SLC15A1: variants seen among roughly 807,000 people sequenced by gnomAD.
SLC15A1 encodes the protein Caco-2 oligopeptide transporter.
SLC15A1 carries 83 observed loss-of-function variants against 92.9 expected under a neutral mutation model. The observed-to-expected ratio is 0.89, with a 90% CI of 0.75 to 1.07. SLC15A1 has a LOEUF of 1.07. Ranked by LOEUF, SLC15A1 falls within the 50% of genes least tolerant of loss-of-function variation. SLC15A1 has a pLI of 0.00. For synonymous variants in SLC15A1, 322 were observed against 318.2 expected (o/e 1.01, Z -0.13); for missense variants, 857 against 880.1 (o/e 0.97, Z 0.33).
chr13:98,716,388 G>A (rs1478837866), intron 8 of SLC15A1, among the ~76,000 whole-genome samples: 2 of 152,168 alleles, frequency 1.3e-5, no homozygotes, highest in African/African-American at 2.4e-5. Flanking sequence ...TTGAGAGGCC[G>A]AGGTGGGCGG....
rs777857590 is a variant in SLC15A1 at position 98,715,935 on chromosome 13, C to T, written c.666G>A (p.Met222Ile). Residue 222 changes from methionine (M) to isoleucine (I), a missense_variant, in exon 9 of 23, where the codon ATG becomes ATA. Physicochemically the swap from Met to Ile is conservative, Grantham distance 10. Transcript: ENST00000376503. Reference protein sequence around the residue: ...ALIVFVLGSGMYKKFKPQGNI... With the variant: ...ALIVFVLGSGIYKKFKPQGNI... Reference sequence around the variant, plus strand: ...TGCCCTGTGGCTTGAACTTCTTGTACATCCCACTGCCAAGGACAAACACAA... The same window carrying T: ...TGCCCTGTGGCTTGAACTTCTTGTATATCCCACTGCCAAGGACAAACACAA... 1 of 1,614,154 alleles carries T rather than the reference C, an allele frequency of 6.2e-7. No individual in the cohort carries two copies. The highest frequency in any genetic ancestry group is 2.2e-5 in the East Asian group (1 of 44,882).
intron 20 of SLC15A1, among the ~76,000 whole-genome samples, 162 bp from the exon 21 acceptor site, chr13:98,687,886 G>A (rs1158212399): frequency 6.6e-6 from 1 of 152,186 alleles, no homozygotes; most frequent in African/African-American, 2.4e-5. Flanking sequence ...CACTTGCAAT[G>A]GGATTTGAAG....
intron 18 of SLC15A1, among the ~76,000 whole-genome samples, chr13:98,689,423 G>C (rs1344551791): frequency 6.6e-6 from 1 of 152,088 alleles, no homozygotes; most frequent in Non-Finnish European, 1.5e-5. Context: ...GAAGAAGTGG[G>C]CCAGCCCAGT....
chr13:98,715,001 A>G (rs2088202296), intron 9 of SLC15A1, among the ~76,000 whole-genome samples: 1 of 152,284 alleles, frequency 6.6e-6, no homozygotes, highest in South Asian at 2.1e-4. Context: ...CTATTACTAC[A>G]TATTCCTTAA....
rs139986291 is a variant in SLC15A1, at chr13:98,686,875, G to C, written c.1828-578C>G. Among the ~76,000 whole-genome samples the C allele has an allele frequency of 1.5e-4, 23 of 151,948 alleles. No homozygotes were observed. In the East Asian group the frequency reaches 3.9e-3, roughly 25 times the overall value. On this transcript the variant is annotated intron_variant, in intron 21 of 22. Transcript: ENST00000376503. Reference sequence around the variant, plus strand: ...AGTTCAATAATTAAGCTCTAATTTGGGTATCAATAAAACCTAGCTCATTAG... The same window carrying C: ...AGTTCAATAATTAAGCTCTAATTTGCGTATCAATAAAACCTAGCTCATTAG...
At chr13:98,733,148 C>A (rs546871339) in intron 1 of SLC15A1, among the ~76,000 whole-genome samples, 3 of 152,262 alleles carry the variant, frequency 2.0e-5, no homozygotes, top group Admixed American at 1.3e-4. Context: ...CCCCGAGAGC[C>A]TTTCAAGGTA....
At chr13:98,699,941 C>T (rs189083338) in intron 18 of SLC15A1, among the ~76,000 whole-genome samples, 14 of 152,160 alleles carry the variant, frequency 9.2e-5, no homozygotes, top group South Asian at 2.1e-4. Context: ...AAATCTTTTG[C>T]GTTTTTAATT....
rs754649214 is a variant in SLC15A1 at position 98,709,864 on chromosome 13, T to TA, written c.945+2dup. The TA allele has an allele frequency of 5.0e-6, 8 of 1,614,182 alleles. No homozygotes were observed. The South Asian group carries it at 7.7e-5, about 16-fold the overall frequency. On this transcript the variant is annotated splice_region_variant and intron_variant, in intron 12 of 22. Coordinates refer to ENST00000376503, the MANE Select transcript of SLC15A1 (RefSeq NM_005073.4). ...GAAACTAAAACAAAGGAGTCAAACTTACGATTTTCCCGGACATAGTTGTTG... is the reference window on the plus strand; with the variant it reads ...GAAACTAAAACAAAGGAGTCAAACTTAACGATTTTCCCGGACATAGTTGTTG...
intron 9 of SLC15A1, among the ~76,000 whole-genome samples, chr13:98,715,395 G>A (rs1387743202): frequency 7.2e-5 from 11 of 152,162 alleles, no homozygotes; most frequent in South Asian, 2.1e-4. Flanking sequence ...GGCTGGCCTC[G>A]AAGTCCTGAT....
intron 8 of SLC15A1, among the ~76,000 whole-genome samples, chr13:98,716,784 A>T (rs2088214471): frequency 6.6e-6 from 1 of 152,206 alleles, no homozygotes; most frequent in South Asian, 2.1e-4. Context: ...GTTAAAATTA[A>T]TTGCATCTGC....
At position 98,709,734 on chromosome 13, in the gene SLC15A1, T is replaced by A; in HGVS notation, c.978+8A>T. 1.2e-6 allele frequency: 2 copies of A among 1,614,192 alleles called. No individual in the cohort carries two copies. The highest frequency in any genetic ancestry group is 1.7e-5 in the Admixed American group (1 of 60,020). ...CTGATCCCTGAAAGCAACTTACATG[T>A]CTTCTACCTGCATCTGATCGGGCTG... is the stretch of plus-strand genomic sequence containing the variant. On this transcript the variant is annotated splice_region_variant and intron_variant, in intron 13 of 22. Transcript: ENST00000376503.
chr13:98,702,904 G>A (rs2088079665), intron 17 of SLC15A1, among the ~76,000 whole-genome samples: 1 of 147,822 alleles, frequency 6.8e-6, no homozygotes, highest in Admixed American at 6.9e-5. Context: ...GGAGGTCGAG[G>A]CTGCAGTGAG....
chr13:98,693,567 T>G (rs1036255337), intron 18 of SLC15A1, among the ~76,000 whole-genome samples: 1 of 152,252 alleles, frequency 6.6e-6, no homozygotes, highest in African/African-American at 2.4e-5. Flanking sequence ...AAAATTGGGT[T>G]GTCTTTTTAG....
intron 14 of SLC15A1, 86 bp from the exon 15 acceptor site, chr13:98,708,853 A>C: frequency 1.2e-6 from 1 of 858,660 alleles, no homozygotes; most frequent in Non-Finnish European, 1.7e-6. Flanking sequence ...CCCCCCAACA[A>C]AACTAAATTC....
In SLC15A1 at chr13:98,688,409, A is replaced by G. The variant is rs1050232604; in HGVS notation, c.1575-53T>C. 13 of 1,604,032 alleles carry G rather than the reference A, an allele frequency of 8.1e-6. No homozygotes were observed. In the Admixed American group the frequency reaches 1.0e-4, roughly 12 times the overall value. ...AACATTCTTGGCATTAAAAATTTCA[A>G]TGCATTTTTTAAAGAAAAATTCTTG... On this transcript the variant is annotated intron_variant, in intron 19 of 22. Transcript: ENST00000376503.
At chr13:98,718,185 G>A (rs2088225757) in intron 8 of SLC15A1, among the ~76,000 whole-genome samples, 1 of 151,910 alleles carries the variant, frequency 6.6e-6, no homozygotes, top group Non-Finnish European at 1.5e-5. Flanking sequence ...GTGTTTCAGT[G>A]GCAACTGAAC....
intron 14 of SLC15A1, 42 bp downstream of exon 14, chr13:98,709,530 G>C (rs761278249): frequency 1.3e-6 from 2 of 1,561,966 alleles, no homozygotes; most frequent in Non-Finnish European, 1.8e-6. Flanking sequence ...AAAGCCCTGG[G>C]ACCAAGGGAG....
At chr13:98,710,823 A>AG (rs2088155913) in intron 11 of SLC15A1, among the ~76,000 whole-genome samples, 1 of 150,294 alleles carries the variant, frequency 6.7e-6, no homozygotes, top group Non-Finnish European at 1.5e-5. Flanking sequence ...AAAAAAAAAA[A>AG]AAAAAAAAAG....
intron 1 of SLC15A1, among the ~76,000 whole-genome samples, chr13:98,736,443 C>T (rs576847096): frequency 3.7e-4 from 56 of 152,126 alleles, no homozygotes; most frequent in African/African-American, 1.2e-3. Context: ...AAGAACTTCA[C>T]GAGTAAAACA....
Sources: allele counts gnomAD v4.1 joint callset (sites outside exome capture counted in the v4.1 genomes callset), GRCh38; gene constraint gnomAD v4.1.1; transcripts MANE v1.5; gene names NCBI Gene and HGNC (gene_info 2026-07-23, HGNC 2026-07-21).